Variants in LIN52 observed in about 807,000 individuals in gnomAD.
LIN52 encodes the protein lin-52 DREAM MuvB core complex component.
Under a neutral mutation model 18.5 loss-of-function variants are expected in LIN52, and 4 were observed. That is an observed-to-expected ratio of 0.22 (90% confidence interval 0.11 to 0.49). LIN52 has a LOEUF of 0.49. LIN52 is among the 20% of genes least tolerant of loss of function. The pLI is 0.97. For missense variants in LIN52, 102 were observed against 139.5 expected, an observed-to-expected ratio of 0.73 and a Z score of 1.35; for synonymous variants, 34 against 45.5, an observed-to-expected ratio of 0.75 and a Z score of 1.02.
chr14:74,194,501 C>T (rs1015976547), intron 5 of LIN52, among the ~76,000 whole-genome samples: 2 of 152,110 alleles, frequency 1.3e-5, no homozygotes, highest in African/African-American at 4.8e-5. Flanking sequence ...GGAGGAACTA[C>T]GAAAGTGGTG....
At chr14:74,143,990 T>TG (rs1263942001) in intron 5 of LIN52, among the ~76,000 whole-genome samples, 1 of 151,250 alleles carries the variant, frequency 6.6e-6, no homozygotes, top group African/African-American at 2.4e-5. Context: ...TGATCTCAAT[T>TG]TTTTTTTTTC....
intron 5 of LIN52, among the ~76,000 whole-genome samples, chr14:74,162,026 C>CAGT (rs1399423447): frequency 6.6e-6 from 1 of 152,086 alleles, no homozygotes; most frequent in African/African-American, 2.4e-5. Context: ...AAGCGAGAGA[C>CAGT]AGTAAATGGA....
chr14:74,187,764 T>G (rs997526961), intron 5 of LIN52, among the ~76,000 whole-genome samples: 22 of 152,232 alleles, frequency 1.4e-4, no homozygotes, highest in Non-Finnish European at 2.9e-5. Context: ...TACAGGGTTC[T>G]GTAAATAGCC....
rs537646709 is a variant in LIN52, at chr14:74,160,012, T to A, written c.284-38910T>A. On this transcript the variant is annotated intron_variant, in intron 5 of 5. Coordinates refer to ENST00000555028, the MANE Select transcript of LIN52 (RefSeq NM_001024674.3). ...TTTCTATGACTTTTATCAGATTTTT[T>A]AAGAGATCTCTGTTATGGATTGAAT... Among the ~76,000 whole-genome samples, 254 of 152,350 alleles carry A rather than the reference T, an allele frequency of 1.7e-3. 1 individual carries two copies. The highest frequency in any genetic ancestry group is 4.5e-3 in the African/African-American group (187 of 41,576).
intron 2 of LIN52, among the ~76,000 whole-genome samples, chr14:74,093,617 C>T (rs1195034361): frequency 6.6e-6 from 1 of 152,162 alleles, no homozygotes; most frequent in Admixed American, 6.5e-5. Flanking sequence ...TGAACCACTG[C>T]ACCTGGCCCA....
At chr14:74,169,029 G>A (rs2061260651) in intron 5 of LIN52, among the ~76,000 whole-genome samples, 1 of 152,200 alleles carries the variant, frequency 6.6e-6, no homozygotes, top group South Asian at 2.1e-4. Flanking sequence ...ACTCCAGCCT[G>A]GGCAACAGAG....
chr14:74,091,773 CAAAAAAA>C (rs573705378), intron 2 of LIN52, among the ~76,000 whole-genome samples: 1 of 65,302 alleles, frequency 1.5e-5, no homozygotes, highest in Admixed American at 1.9e-4. Flanking sequence ...GACTCTGTCT[CAAAAAAA>C]AAAAAAAAAA....
At chr14:74,156,966 T>C (rs1465960120) in intron 5 of LIN52, among the ~76,000 whole-genome samples, 2 of 152,174 alleles carry the variant, frequency 1.3e-5, no homozygotes, top group Non-Finnish European at 2.9e-5. Context: ...TTGCTGGGAA[T>C]GACCAAATTT....
intron 5 of LIN52, among the ~76,000 whole-genome samples, chr14:74,191,876 C>G (rs2078879122): frequency 6.6e-6 from 1 of 152,164 alleles, no homozygotes; most frequent in African/African-American, 2.4e-5. Context: ...ACCTCGTGAT[C>G]TGCCCACCTC....
chr14:74,123,780 A>G (rs948995214), intron 5 of LIN52, among the ~76,000 whole-genome samples: 3 of 152,180 alleles, frequency 2.0e-5, no homozygotes, highest in African/African-American at 7.2e-5. Context: ...CCAAAAGACC[A>G]TGGCTTCTGT....
At chr14:74,133,821 T>G (rs1016703087) in intron 5 of LIN52, among the ~76,000 whole-genome samples, 6 of 152,214 alleles carry the variant, frequency 3.9e-5, no homozygotes, top group Non-Finnish European at 8.8e-5. Flanking sequence ...ACCTTTCCAT[T>G]TATTGCTTGT....
chr14:74,091,339 T>C lies in LIN52; in HGVS notation c.94+33T>C, dbSNP rs138869188. The stretch of plus-strand genomic sequence containing the variant: ...TTTGCCTTCTTTATATCAGAGTCAA[T>C]GCAGGAGAAACAATGTTCCTTTTTA... On this transcript the variant is annotated intron_variant, in intron 2 of 5. Transcript: ENST00000555028. 2.4e-3 allele frequency: 3,162 copies of C among 1,338,652 alleles called. 4 individuals carry two copies. The highest frequency in any genetic ancestry group is 2.9e-3 in the Non-Finnish European group (2,742 of 945,468). The allele number at this position is 1,338,652 out of a possible 1,614,324, so 82.9% of individuals were successfully genotyped here. A position where few individuals can be genotyped will look rare whatever the true frequency, so the allele number is the denominator to read the frequency against.
chr14:74,166,547 T>A (rs2061250769), intron 5 of LIN52, among the ~76,000 whole-genome samples: 1 of 152,186 alleles, frequency 6.6e-6, no homozygotes, highest in African/African-American at 2.4e-5. Context: ...TGCTCACATA[T>A]TTTCAGTTTT....
At chr14:74,136,537 G>A (rs1417176344) in intron 5 of LIN52, among the ~76,000 whole-genome samples, 3 of 152,120 alleles carry the variant, frequency 2.0e-5, no homozygotes, top group Non-Finnish European at 4.4e-5. Flanking sequence ...ATAGTTGTTT[G>A]CATCCATTTC....
chr14:74,155,543 C>T (rs1485162258), intron 5 of LIN52, among the ~76,000 whole-genome samples: 1 of 152,224 alleles, frequency 6.6e-6, no homozygotes, highest in East Asian at 1.9e-4. Flanking sequence ...ATCGTCTCTT[C>T]TCTGCCCCTT....
At chr14:74,144,828 AAT>A (rs567075082) in intron 5 of LIN52, among the ~76,000 whole-genome samples, 27 of 152,354 alleles carry the variant, frequency 1.8e-4, no homozygotes, top group African/African-American at 5.8e-4. Context: ...GTTACACTGC[AAT>A]ATGTTTAATT....
chr14:74,197,008 C>T (rs1255696342), intron 5 of LIN52, among the ~76,000 whole-genome samples: 1 of 152,194 alleles, frequency 6.6e-6, no homozygotes, highest in Non-Finnish European at 1.5e-5. Flanking sequence ...ATTGGATTTT[C>T]TCTAGAGTAG....
intron 2 of LIN52, 47 bp downstream of exon 2, chr14:74,091,353 T>C (rs1566843130): frequency 8.2e-7 from 1 of 1,220,218 alleles, no homozygotes; most frequent in African/African-American, 1.5e-5. Context: ...GGAGAAACAA[T>C]GTTCCTTTTT....
chr14:74,176,880 A>C (rs1238547423), intron 5 of LIN52, among the ~76,000 whole-genome samples: 1 of 152,242 alleles, frequency 6.6e-6, no homozygotes. Flanking sequence ...AGACCAAAGT[A>C]ACCACTAACC....
Sources: allele counts gnomAD v4.1 joint callset (sites outside exome capture counted in the v4.1 genomes callset), GRCh38; gene constraint gnomAD v4.1.1; transcripts MANE v1.5; gene names NCBI Gene and HGNC (gene_info 2026-07-23, HGNC 2026-07-21).